PIGN: variants seen among roughly 807,000 people sequenced by gnomAD.
The protein encoded by PIGN is phosphatidylinositol glycan anchor biosynthesis class N, also known as GPI ethanolamine phosphate transferase 1.
A neutral mutation model predicts 125.4 loss-of-function variants in PIGN; 117 were observed. The ratio of observed to expected loss-of-function variants is 0.93; its 90% confidence interval spans 0.80 to 1.09. The LOEUF is 1.09. Ranked by LOEUF, PIGN falls within the 50% of genes least tolerant of loss-of-function variation. PIGN has a pLI of 0.00. For synonymous variants in PIGN, 392 were observed against 377.8 expected (o/e 1.04, Z -0.44); for missense variants, 1,075 against 1,094.9 (o/e 0.98, Z 0.26).
chr18:62,099,703 T>C lies in PIGN; in HGVS notation c.2077+1372A>G, dbSNP rs188113730. 9.7e-4 allele frequency among the ~76,000 whole-genome samples: 147 copies of C among 151,974 alleles called. 1 individual carries two copies. Among genetic ancestry groups the C allele is most frequent in the African/African-American group, 3.4e-3 (142 of 41,470 alleles). ...CATTTAGACAAAGGCACCAAGAACA[T>C]ACATTGAGGAAAGGACTGTCTCTCC... On this transcript the variant is annotated intron_variant, in intron 22 of 30. Coordinates refer to ENST00000640252, the MANE Select transcript of PIGN (RefSeq NM_176787.5).
At chr18:62,091,723 G>A (rs549235925) in intron 23 of PIGN, among the ~76,000 whole-genome samples, 46 of 152,218 alleles carry the variant, frequency 3.0e-4, no homozygotes, top group African/African-American at 5.3e-4. Flanking sequence ...AACAGTTTCC[G>A]CTTTGTCTGG....
chr18:62,159,294 C>T (rs967935257), intron 4 of PIGN, among the ~76,000 whole-genome samples: 2 of 152,142 alleles, frequency 1.3e-5, no homozygotes, highest in Non-Finnish European at 2.9e-5. Flanking sequence ...TTAGAAGAAG[C>T]TAGAAGATTC....
intron 1 of PIGN, among the ~76,000 whole-genome samples, chr18:62,183,838 T>C (rs1359919188): frequency 7.4e-6 from 1 of 134,598 alleles, no homozygotes; most frequent in East Asian, 3.3e-4. Context: ...AGACTGAAAA[T>C]ACTTTAAAAA....
chr18:62,109,500 C>T (rs1474054967), intron 17 of PIGN, among the ~76,000 whole-genome samples: 2 of 152,132 alleles, frequency 1.3e-5, no homozygotes, highest in Admixed American at 1.3e-4. Flanking sequence ...GATGATGACA[C>T]AAGTTCAAAA....
chr18:62,115,544 C>T (rs2035055700), intron 14 of PIGN, among the ~76,000 whole-genome samples: 1 of 151,896 alleles, frequency 6.6e-6, no homozygotes. Flanking sequence ...ATATTGGCAA[C>T]TGCACATGGG....
intron 30 of PIGN, among the ~76,000 whole-genome samples, chr18:62,063,700 A>G (rs2032333910): frequency 6.7e-6 from 1 of 149,834 alleles, no homozygotes; most frequent in Non-Finnish European, 1.5e-5. Flanking sequence ...TACTTTAGAC[A>G]GACATATGAA....
intron 28 of PIGN, chr18:62,075,461 T>C (rs2033123177): frequency 6.6e-6 from 1 of 152,264 alleles, no homozygotes; most frequent in Non-Finnish European, 1.5e-5. Flanking sequence ...CCTTCTGGGA[T>C]TGGCTTTTCT....
intron 24 of PIGN, 126 bp downstream of exon 24, chr18:62,090,350 C>T: frequency 5.2e-6 from 3 of 579,632 alleles, no homozygotes; most frequent in Non-Finnish European, 8.9e-6. Context: ...TTATTAATGC[C>T]AAACAACTAA....
chr18:62,185,940 C>T (rs147524679), intron 1 of PIGN, among the ~76,000 whole-genome samples: 1 of 152,022 alleles, frequency 6.6e-6, no homozygotes, highest in East Asian at 1.9e-4. Context: ...TTCTAGCCTG[C>T]ATGAACGAGT....
rs569927157 is a variant in PIGN at position 62,101,176 on chromosome 18, C to T, written c.1976G>A (p.Ser659Asn). The change falls in exon 22 of 31, where the codon AGC becomes AAC. Residue 659 changes from serine to asparagine, a missense_variant. Around this residue, in one of 3 missense-constraint regions of PIGN, gnomAD observed 915 missense variants for 908.7 expected, o/e 1.01. Coordinates refer to ENST00000640252, the MANE Select transcript of PIGN (RefSeq NM_176787.5). Reference protein sequence around the residue: ...ELLVHLLQVLSTVLSMYVVYS... With the variant: ...ELLVHLLQVLNTVLSMYVVYS... ...CACAACATACATGGAGAGCACTGTG[C>T]TCAGCACCTAAAGACAAAGATGAAA... 1.3e-6 allele frequency: 2 copies of T among 1,584,056 alleles called. No individual in the cohort carries two copies. Among genetic ancestry groups the T allele is most frequent in the Middle Eastern group, 1.7e-4 (1 of 6,018 alleles).
chr18:62,082,969 G>A (rs943727978), intron 27 of PIGN, among the ~76,000 whole-genome samples: 1 of 152,028 alleles, frequency 6.6e-6, no homozygotes. Context: ...CGATGTAAAA[G>A]ACAGCAAACA....
intron 1 of PIGN, among the ~76,000 whole-genome samples, chr18:62,180,199 G>C (rs1396694239): frequency 6.6e-6 from 1 of 152,066 alleles, no homozygotes; most frequent in Middle Eastern, 3.2e-3. Flanking sequence ...AGTACAATAG[G>C]ATTGGATAAA....
chr18:62,177,943 T>C (rs1243024244), intron 1 of PIGN, among the ~76,000 whole-genome samples: 1 of 152,126 alleles, frequency 6.6e-6, no homozygotes, highest in African/African-American at 2.4e-5. Context: ...CTTCTGCTTG[T>C]CTAGTGCTCA....
intron 30 of PIGN, among the ~76,000 whole-genome samples, chr18:62,046,970 C>G (rs2030767960): frequency 6.6e-6 from 1 of 152,152 alleles, no homozygotes. Context: ...TGCAGGAAGA[C>G]AGCAGCAACC....
downstream of PIGN, among the ~76,000 whole-genome samples, chr18:62,040,560 T>C (rs1338996184): frequency 6.6e-6 from 1 of 152,224 alleles, no homozygotes; most frequent in East Asian, 1.9e-4. Flanking sequence ...TGTCAGCTTA[T>C]CACTGTTGAT....
intron 4 of PIGN, chr18:62,158,009 G>T (rs780255258): frequency 2.5e-4 from 123 of 496,636 alleles, no homozygotes; most frequent in Admixed American, 1.1e-3. Flanking sequence ...TGAATTTGCT[G>T]ATGTAAGACC....
chr18:62,081,863 A>C (rs2033464297), intron 28 of PIGN, among the ~76,000 whole-genome samples: 1 of 152,162 alleles, frequency 6.6e-6, no homozygotes, highest in African/African-American at 2.4e-5. Context: ...AAGCAGTGGA[A>C]GAAAAACTTT....
At chr18:62,124,400 A>G (rs901354704) in intron 14 of PIGN, among the ~76,000 whole-genome samples, 3 of 152,104 alleles carry the variant, frequency 2.0e-5, no homozygotes, top group Non-Finnish European at 4.4e-5. Context: ...AAGGAATGGC[A>G]AAAAAAGATA....
At chr18:62,173,243 T>TG (rs1181851858) in intron 1 of PIGN, among the ~76,000 whole-genome samples, 1 of 152,172 alleles carries the variant, frequency 6.6e-6, no homozygotes, top group Admixed American at 6.5e-5. Flanking sequence ...AAACGCAACT[T>TG]GGTGTCTATT....
Sources: gnomAD v4.1 joint callset for allele counts (sites outside exome capture counted in the v4.1 genomes callset) on GRCh38, gnomAD v4.1.1 for gene constraint, gnomAD v4.1.1 regional missense constraint, MANE v1.5 for transcripts, NCBI Gene and HGNC (gene_info 2026-07-23, HGNC 2026-07-21) for gene names.